Variants in NPAT observed in about 807,000 individuals in gnomAD.
NPAT encodes the protein protein NPAT.
In NPAT, 52 loss-of-function variants were observed where a neutral mutation model predicts 130.7. The ratio of observed to expected loss-of-function variants is 0.40; its 90% CI spans 0.32 to 0.50. The LOEUF is 0.50. Ranked by LOEUF, NPAT falls within the 20% of genes least tolerant of loss-of-function variation. NPAT has a pLI of 0.68. For synonymous variants in NPAT, 580 were observed against 584.8 expected, an observed-to-expected ratio of 0.99 and a Z score of 0.12; for missense variants, 1,687 against 1,662.6, an observed-to-expected ratio of 1.01 and a Z score of -0.26.
intron 1 of NPAT, among the ~76,000 whole-genome samples, chr11:108,214,631 AT>A (rs575646719): frequency 2.4e-3 from 333 of 140,352 alleles, no homozygotes; most frequent in African/African-American, 2.2e-3. Flanking sequence ...TATGATTCCA[AT>A]TTTTTTTTTT....
chr11:108,181,948 G>A (rs1247596988), intron 10 of NPAT, among the ~76,000 whole-genome samples: 3 of 152,194 alleles, frequency 2.0e-5, no homozygotes, highest in African/African-American at 7.2e-5. Flanking sequence ...GGTCAGTCAA[G>A]TAGTGTGATG....
intron 1 of NPAT, among the ~76,000 whole-genome samples, chr11:108,209,217 C>G (rs1211303609): frequency 6.6e-6 from 1 of 152,000 alleles, no homozygotes; most frequent in Admixed American, 6.5e-5. Context: ...GAGGCGGAGG[C>G]TGCAGTGAGC....
rs542464529 is a variant in NPAT at position 108,196,362 on chromosome 11, T to C, written c.156+940A>G. Among the ~76,000 whole-genome samples, 13 of 152,378 alleles carry C rather than the reference T, an allele frequency of 8.5e-5. No homozygotes were observed. The South Asian group carries it at 2.1e-3, about 24-fold the overall frequency. ...GATTATCATAGTTTTTTAGTAAGTC[T>C]TGAAGTCTGGTAATGTGAGTCCTCC... On this transcript the variant is annotated intron_variant, in intron 2 of 17. Transcript: ENST00000278612.
intron 1 of NPAT, among the ~76,000 whole-genome samples, chr11:108,204,652 G>A (rs2078309052): frequency 6.6e-6 from 1 of 152,254 alleles, no homozygotes; most frequent in Non-Finnish European, 1.5e-5. Context: ...CCACATGACA[G>A]GAAGCAGTGG....
In NPAT at chr11:108,213,189, C is replaced by T. The variant is rs562877291; in HGVS notation, c.37+9311G>A. Among the ~76,000 whole-genome samples the T allele has an allele frequency of 3.2e-4, 49 of 152,126 alleles. No homozygotes were observed. In the South Asian group the frequency reaches 1.0e-2, roughly 31 times the overall value. On this transcript the variant is annotated intron_variant, in intron 1 of 17. Transcript: ENST00000278612. The stretch of plus-strand genomic sequence containing the variant: ...TCCAGAGGCTGAGGCAGGAGAATCG[C>T]TTGAACCCGGGAGGCAGAGGTTGTG...
Position 108,192,137 on chromosome 11 carries a change from G to C in NPAT, c.271C>G (p.His91Asp), listed in dbSNP as rs2078176027. 6.2e-7 allele frequency: 1 copy of C among 1,602,532 alleles called. No homozygotes were observed. The highest frequency in any genetic ancestry group is 8.5e-7 in the Non-Finnish European group (1 of 1,169,650). The change falls in exon 4 of 18, where the codon CAT becomes GAT. Residue 91 changes from histidine to aspartate, a missense_variant. By Grantham distance (81) the His-to-Asp change is moderately conservative. Coordinates refer to ENST00000278612, the MANE Select transcript of NPAT (RefSeq NM_002519.3). ...IMSSLWKKLD[H>D]TLSQIRSMQS... ...TATTACCTGATCTGAGAAAGTGTATGGTCCAATTTCTTCCATAGAGATGAC... is the reference window on the plus strand; with the variant it reads ...TATTACCTGATCTGAGAAAGTGTATCGTCCAATTTCTTCCATAGAGATGAC...
rs1479273074 is a variant in NPAT at position 108,189,641 on chromosome 11, C to T, written c.332-311G>A. ...ATCCCAGCACTTTGGGAGGCCGAGG[C>T]GGGCGGATCACGAGGTCAGGAGATC... is the stretch of plus-strand genomic sequence containing the variant. On this transcript the variant is annotated intron_variant, in intron 5 of 17. Transcript: ENST00000278612. 5.9e-5 allele frequency among the ~76,000 whole-genome samples: 9 copies of T among 151,796 alleles called. No individual in the cohort carries two copies. In the East Asian group the frequency reaches 9.7e-4, roughly 16 times the overall value.
intron 1 of NPAT, chr11:108,208,563 G>A (rs1220971610): frequency 7.3e-6 from 3 of 412,068 alleles, no homozygotes; most frequent in African/African-American, 2.1e-5. Context: ...ACTCGAGCCT[G>A]GGCAACAGGG....
At chr11:108,184,247 A>G (rs1430111977) in intron 10 of NPAT, among the ~76,000 whole-genome samples, 1 of 152,078 alleles carries the variant, frequency 6.6e-6, no homozygotes, top group Non-Finnish European at 1.5e-5. Flanking sequence ...CGAGGCGGGC[A>G]GATAACGAGG....
Position 108,173,497 on chromosome 11 carries a change from C to T in NPAT, c.1487G>A (p.Ser496Asn). The T allele has an allele frequency of 6.2e-7, 1 of 1,614,150 alleles. No individual in the cohort carries two copies. The highest frequency in any genetic ancestry group is 1.3e-5 in the African/African-American group (1 of 75,042). ...CTGATCAGGCTGTAACTGAGATTCA[C>T]TCGGTACATTTGAAGACAAAGAGTT... ...EKNSLSSNVP[S>N]ESQLQPDQPD... The change falls in exon 13 of 18, where the codon AGT becomes AAT. Residue 496 changes from serine to asparagine, a missense_variant. Around this residue, in one of 3 missense-constraint regions of NPAT, gnomAD observed 1,379 missense variants for 1,346.6 expected, o/e 1.02. Transcript: ENST00000278612.
In NPAT at chr11:108,161,507, C is replaced by T. The variant is rs1415256048; in HGVS notation, c.3579G>A (p.Gly1193=). The change falls in exon 17 of 18, where the codon GGG becomes GGA. Residue 1193 remains glycine, a synonymous_variant. Transcript: ENST00000278612. ...CTATAGATTTCTCACTTCGCAAACC[C>T]CCATTTTGCTGCCCAATAGATAGTT... ...NSKLSIGQQN[G]GLRSEKSIAS... The T allele has an allele frequency of 2.5e-6, 4 of 1,614,188 alleles. No homozygotes were observed. The highest frequency in any genetic ancestry group is 1.1e-5 in the South Asian group (1 of 91,080).
rs112716688 is a variant in NPAT, at chr11:108,216,079, C to T, written c.37+6421G>A. Among the ~76,000 whole-genome samples, 1,134 of 150,780 alleles carry T rather than the reference C, an allele frequency of 7.5e-3. 8 individuals are homozygous for T. Among genetic ancestry groups the T allele is most frequent in the African/African-American group, 0.024 (964 of 40,162 alleles). On this transcript the variant is annotated intron_variant, in intron 1 of 17. Coordinates refer to ENST00000278612, the MANE Select transcript of NPAT (RefSeq NM_002519.3). ...AGCTGTTACTAGCTTTTTGTAAACA[C>T]AAAAATTTAAAACTTCTACAGACTA...
At chr11:108,160,506 C>T (rs1034688059) in intron 17 of NPAT, among the ~76,000 whole-genome samples, 1 of 152,106 alleles carries the variant, frequency 6.6e-6, no homozygotes, top group African/African-American at 2.4e-5. Flanking sequence ...CCCAATCTTT[C>T]ATGACTATGT....
chr11:108,167,777 T>C (rs2077914692), intron 15 of NPAT, among the ~76,000 whole-genome samples: 1 of 152,192 alleles, frequency 6.6e-6, no homozygotes, highest in South Asian at 2.1e-4. Context: ...CTCACCAATG[T>C]TTTTTTCTGG....
At chr11:108,212,781 C>A (rs1032211162) in intron 1 of NPAT, among the ~76,000 whole-genome samples, 1 of 150,736 alleles carries the variant, frequency 6.6e-6, no homozygotes, top group Non-Finnish European at 1.5e-5. Flanking sequence ...CCCGTCTCTA[C>A]TAAAAATACA....
intron 5 of NPAT, among the ~76,000 whole-genome samples, chr11:108,189,832 T>C (rs1392950071): frequency 7.1e-6 from 1 of 140,500 alleles, no homozygotes; most frequent in African/African-American, 2.7e-5. Flanking sequence ...ATCGCGCCAC[T>C]GCACTCCAGC....
intron 2 of NPAT, among the ~76,000 whole-genome samples, chr11:108,194,851 T>C (rs1220598391): frequency 6.9e-6 from 1 of 144,794 alleles, no homozygotes; most frequent in Non-Finnish European, 1.5e-5. Context: ...TGAGATGGAG[T>C]CTTGCTCTGT....
Position 108,189,329 on chromosome 11 carries a change from G to C in NPAT, c.333C>G (p.Ala111=), listed in dbSNP as rs756301014. The change falls in exon 6 of 18, where the codon GCC becomes GCG. Residue 111 remains alanine, a splice_region_variant and synonymous_variant. Transcript: ENST00000278612. Reference sequence around the variant, plus strand: ...TTTCTGCAATTCCAGTTCTCGTTCGGGCTGAAACATATAAGCATTTAAAAA... The same window carrying C: ...TTTCTGCAATTCCAGTTCTCGTTCGCGCTGAAACATATAAGCATTTAAAAA... The part of the protein sequence containing the change: ...SSPRFAGSQR[A]RTRTGIAEIK... The C allele has an allele frequency of 6.2e-7, 1 of 1,614,012 alleles. No individual in the cohort carries two copies. Among genetic ancestry groups the C allele is most frequent in the African/African-American group, 1.3e-5 (1 of 74,982 alleles).
Position 108,158,676 on chromosome 11 carries a change from T to C in NPAT, c.*266A>G, listed in dbSNP as rs2077817513. The C allele has an allele frequency of 2.7e-6, 1 of 374,086 alleles. No homozygotes were observed. The highest frequency in any genetic ancestry group is 6.1e-5 in the East Asian group (1 of 16,494). 23.2% of individuals were successfully genotyped at this position (374,086 alleles called of 1,614,324 possible). ...AACAAGATTTACACAGTATTTACAA[T>C]ATGGAATTGTCAAAGCTATACAGTT... On this transcript the variant is annotated 3_prime_UTR_variant, in exon 18 of 18. Coordinates refer to ENST00000278612, the MANE Select transcript of NPAT (RefSeq NM_002519.3).
Sources: allele counts gnomAD v4.1 joint callset (sites outside exome capture counted in the v4.1 genomes callset), GRCh38; gene constraint gnomAD v4.1.1; regional missense constraint gnomAD v4.1.1; transcripts MANE v1.5; gene names NCBI Gene and HGNC (gene_info 2026-07-23, HGNC 2026-07-21).